Variants in SLC38A9 observed in about 807,000 individuals in gnomAD.
SLC38A9 encodes the protein neutral amino acid transporter 9.
In SLC38A9, 48 loss-of-function variants were observed where a neutral mutation model predicts 62.3. That is an observed-to-expected ratio of 0.77 (90% CI 0.61 to 0.98). The LOEUF is 0.98. SLC38A9 is among the 50% of genes least tolerant of loss of function. SLC38A9 has a pLI of 0.00. For missense variants in SLC38A9, 541 were observed against 679.8 expected, an observed-to-expected ratio of 0.80 and a Z score of 2.27; for synonymous variants, 204 against 227.7, an observed-to-expected ratio of 0.90 and a Z score of 0.94.
At chr5:55,672,977 T>A (rs762951417) in intron 3 of SLC38A9, among the ~76,000 whole-genome samples, 3 of 151,596 alleles carry the variant, frequency 2.0e-5, no homozygotes, top group Non-Finnish European at 4.4e-5. Flanking sequence ...CTTAAAACAG[T>A]TATTAAAAAG....
intron 3 of SLC38A9, among the ~76,000 whole-genome samples, chr5:55,678,142 T>TTTTTG (rs1436381186): frequency 8.2e-5 from 12 of 145,580 alleles, no homozygotes; most frequent in Non-Finnish European, 3.1e-5. Context: ...TTACTGGTTT[T>TTTTTG]TTTTTCTTTT....
chr5:55,691,596 T>C lies in SLC38A9; in HGVS notation c.113+6250A>G, dbSNP rs13354095. 5.5e-3 allele frequency among the ~76,000 whole-genome samples: 837 copies of C among 152,292 alleles called. 11 individuals carry two copies. The highest frequency in any genetic ancestry group is 0.019 in the African/African-American group (808 of 41,548). Reference sequence around the variant, plus strand: ...CCGAGAATAGCAGCAATCCTGAATATGCAGCAACATCAAGCAATACTGAAA... The same window carrying C: ...CCGAGAATAGCAGCAATCCTGAATACGCAGCAACATCAAGCAATACTGAAA... On this transcript the variant is annotated intron_variant, in intron 3 of 15. Coordinates refer to ENST00000396865, the MANE Select transcript of SLC38A9 (RefSeq NM_173514.4).
chr5:55,646,418 A>G (rs1187679827), intron 11 of SLC38A9, among the ~76,000 whole-genome samples: 1 of 152,082 alleles, frequency 6.6e-6, no homozygotes, highest in African/African-American at 2.4e-5. Context: ...AATTATTCCT[A>G]TTTGAGGTCA....
rs1204698101 is a variant in SLC38A9 at position 55,695,398 on chromosome 5, GGCAGAGGACCCTGCGGCCTTCT to G, written c.113+2426_113+2447del. Reference sequence around the variant, plus strand: ...TGAACAAAGGTCTCTGGTTTTCCTAGGCAGAGGACCCTGCGGCCTTCTGCAGCGGTTGTGTCCCTGGGTACTT... The same window carrying G: ...TGAACAAAGGTCTCTGGTTTTCCTAGGCAGCGGTTGTGTCCCTGGGTACTT... On this transcript the variant is annotated intron_variant, in intron 3 of 15. Transcript: ENST00000396865. Among the ~76,000 whole-genome samples the G allele has an allele frequency of 4.4e-5, 4 of 91,150 alleles. 1 individual carries two copies. Among genetic ancestry groups the G allele is most frequent in the Non-Finnish European group, 1.1e-4 (4 of 37,372 alleles). The allele number at this position is 91,150 out of a possible 152,430, so 59.8% of individuals were successfully genotyped here.
rs1231670792 is a variant in SLC38A9 at position 55,625,955 on chromosome 5, A to G, written c.*539T>C. On this transcript the variant is annotated 3_prime_UTR_variant, in exon 16 of 16. Transcript: ENST00000396865. ...ACTTTTTCTTCAAATAGAGATTAAG[A>G]CTCAGTTAAAAATGTACTTTATTAA... is the stretch of plus-strand genomic sequence containing the variant. The G allele has an allele frequency of 6.5e-6, 1 of 152,706 alleles. No homozygotes were observed. The allele number at this position is 152,706 out of a possible 1,614,324, so 9.5% of individuals were successfully genotyped here.
intron 14 of SLC38A9, among the ~76,000 whole-genome samples, chr5:55,632,646 C>A (rs979010688): frequency 3.3e-5 from 5 of 152,110 alleles, no homozygotes; most frequent in Non-Finnish European, 7.4e-5. Flanking sequence ...ACATGGAAAC[C>A]TTTTCCCTCA....
In SLC38A9 at chr5:55,652,547, A is replaced by C; in HGVS notation, c.934T>G (p.Ser312Ala). 2 of 1,599,446 alleles carry C rather than the reference A, an allele frequency of 1.3e-6. No homozygotes were observed. Among genetic ancestry groups the C allele is most frequent in the Non-Finnish European group, 1.7e-6 (2 of 1,172,952 alleles). Residue 312 changes from serine (S) to alanine (A), a missense_variant, in exon 10 of 16, where the codon TCA (serine) becomes GCA (alanine). Coordinates refer to ENST00000396865, the MANE Select transcript of SLC38A9 (RefSeq NM_173514.4). ...TACTTACCTAGGATATTAAATTTTG[A>C]AAAAAATGAAGGAGACTTGAAATTG... ...LLNFKSPSFF[S>A]KFNILGTVSV...
intron 14 of SLC38A9, 92 bp downstream of exon 14, chr5:55,633,662 A>T (rs1743893469): frequency 6.4e-7 from 1 of 1,552,888 alleles, no homozygotes; most frequent in Non-Finnish European, 8.7e-7. Context: ...AGGCATTTTT[A>T]TAGCAAAAGG....
At chr5:55,693,515 A>G (rs940438331) in intron 3 of SLC38A9, 1 of 152,316 alleles carries the variant, frequency 6.6e-6, no homozygotes, top group African/African-American at 2.4e-5. Flanking sequence ...ATTTTTGACA[A>G]TGTGAATTAA....
chr5:55,638,796 T>G (rs1181941778), intron 12 of SLC38A9, among the ~76,000 whole-genome samples: 1 of 152,062 alleles, frequency 6.6e-6, no homozygotes, highest in African/African-American at 2.4e-5. Context: ...CAATATGAGG[T>G]ATTTCAAATC....
chr5:55,690,011 G>A (rs1329692031), intron 3 of SLC38A9, among the ~76,000 whole-genome samples: 2 of 151,844 alleles, frequency 1.3e-5, no homozygotes, highest in Non-Finnish European at 2.9e-5. Context: ...ATACAAAAGG[G>A]CAATTAAGCA....
chr5:55,662,896 T>A (rs1029852452), intron 8 of SLC38A9, among the ~76,000 whole-genome samples: 59 of 99,614 alleles, frequency 5.9e-4, no homozygotes, highest in Non-Finnish European at 3.8e-4. Context: ...TGTCTATAAT[T>A]CTTTTTTTTT....
chr5:55,653,168 T>C (rs1747832139), intron 9 of SLC38A9, among the ~76,000 whole-genome samples: 1 of 152,090 alleles, frequency 6.6e-6, no homozygotes, highest in Non-Finnish European at 1.5e-5. Context: ...CATTTTACCA[T>C]GTTGGTCAGG....
Position 55,652,560 on chromosome 5 carries a change from A to G in SLC38A9, c.921T>C (p.Ser307=). The G allele has an allele frequency of 6.2e-7, 1 of 1,603,688 alleles. No individual in the cohort carries two copies. The highest frequency in any genetic ancestry group is 8.5e-7 in the Non-Finnish European group (1 of 1,175,488). ...TATTAAATTTTGAAAAAAATGAAGG[A>G]GACTTGAAATTGAGCAGTGGGAGGA... ...GLLLPLLNFK[S]PSFFSKFNIL... The change falls in exon 10 of 16, where the codon TCT becomes TCC. Residue 307 remains serine (S), a synonymous_variant. Coordinates refer to ENST00000396865, the MANE Select transcript of SLC38A9 (RefSeq NM_173514.4).
At chr5:55,651,973 CACA>C (rs151094746) in intron 10 of SLC38A9, among the ~76,000 whole-genome samples, 87,224 of 147,096 alleles carry the variant, frequency 0.59, 26,448 homozygotes, top group South Asian at 0.7. Context: ...AAAAAAAAAA[CACA>C]CACACACAAC....
chr5:55,659,549 G>A (rs1749095837), intron 8 of SLC38A9, among the ~76,000 whole-genome samples: 1 of 151,534 alleles, frequency 6.6e-6, no homozygotes, highest in African/African-American at 2.4e-5. Flanking sequence ...CACCACGCCT[G>A]GCTAATTTTT....
At chr5:55,659,998 C>T (rs1338736898) in intron 8 of SLC38A9, among the ~76,000 whole-genome samples, 2 of 150,022 alleles carry the variant, frequency 1.3e-5, no homozygotes, top group African/African-American at 4.9e-5. Context: ...GGTCTCCTGA[C>T]CTCGTGATCT....
intron 3 of SLC38A9, among the ~76,000 whole-genome samples, chr5:55,680,327 T>C (rs910143309): frequency 1.3e-5 from 2 of 152,246 alleles, no homozygotes; most frequent in Admixed American, 1.3e-4. Context: ...AAATAGACTC[T>C]TTCTTGTTCC....
chr5:55,644,644 A>T (rs1173695341), intron 12 of SLC38A9, among the ~76,000 whole-genome samples: 1 of 149,946 alleles, frequency 6.7e-6, no homozygotes, highest in Non-Finnish European at 1.5e-5. Context: ...CTGGTCTTGA[A>T]CTCTTGACCT....
Sources: allele counts gnomAD v4.1 joint callset (sites outside exome capture counted in the v4.1 genomes callset), GRCh38; gene constraint gnomAD v4.1.1; transcripts MANE v1.5; gene names NCBI Gene and HGNC (gene_info 2026-07-23, HGNC 2026-07-21).